Variants in SHISA9 observed in about 807,000 individuals in gnomAD.
SHISA9 encodes protein shisa-9.
SHISA9 carries 13 observed loss-of-function variants against 38.0 expected under a neutral mutation model. The observed-to-expected ratio is 0.34, with a 90% CI of 0.22 to 0.54. The LOEUF is 0.54. Ranked by LOEUF, SHISA9 falls within the 20% of genes least tolerant of loss-of-function variation. The pLI is 0.91. For missense variants in SHISA9, 538 were observed against 575.8 expected, an observed-to-expected ratio of 0.93 and a Z score of 0.67; for synonymous variants, 275 against 242.0, an observed-to-expected ratio of 1.14 and a Z score of -1.27.
intron 4 of SHISA9, among the ~76,000 whole-genome samples, chr16:13,231,235 T>A (rs2051328861): frequency 6.6e-6 from 1 of 152,158 alleles, no homozygotes; most frequent in Non-Finnish European, 1.5e-5. Flanking sequence ...GGTTCCCATG[T>A]GAGAGATAAG....
intron 4 of SHISA9, among the ~76,000 whole-genome samples, chr16:13,222,940 T>A (rs1442576337): frequency 6.6e-6 from 1 of 152,166 alleles, no homozygotes; most frequent in Non-Finnish European, 1.5e-5. Flanking sequence ...TATGAGGCAA[T>A]GACATTGGCC....
chr16:13,495,879 A>T, the SHISA9 span, among the ~76,000 whole-genome samples: 1 of 152,188 alleles, frequency 6.6e-6, no homozygotes, highest in African/African-American at 2.4e-5. Flanking sequence ...CCTGCCCAGA[A>T]TGCTGAGTCA....
chr16:13,078,143 T>C (rs1187418949), intron 2 of SHISA9, among the ~76,000 whole-genome samples: 2 of 152,118 alleles, frequency 1.3e-5, no homozygotes, highest in African/African-American at 4.8e-5. Flanking sequence ...GAAAGAAAAA[T>C]AGCAAATGTG....
intron 2 of SHISA9, among the ~76,000 whole-genome samples, chr16:12,930,335 A>T (rs1027125746): frequency 3.3e-5 from 5 of 152,248 alleles, no homozygotes; most frequent in African/African-American, 4.8e-5. Flanking sequence ...CAGTGCTGTT[A>T]TCAGAGTCTA....
intron 2 of SHISA9, among the ~76,000 whole-genome samples, chr16:13,100,956 G>A (rs896207321): frequency 5.3e-5 from 8 of 152,208 alleles, no homozygotes; most frequent in South Asian, 2.1e-4. Context: ...TCGGTCTCCC[G>A]AAGTGCTGGG....
At chr16:13,532,751 C>T in the SHISA9 span, among the ~76,000 whole-genome samples, 2 of 152,144 alleles carry the variant, frequency 1.3e-5, no homozygotes, top group African/African-American at 4.8e-5. Context: ...GCCAAACCTT[C>T]ACCATCCACA....
At chr16:12,938,189 C>A (rs1243223190) in intron 2 of SHISA9, among the ~76,000 whole-genome samples, 1 of 152,198 alleles carries the variant, frequency 6.6e-6, no homozygotes, top group Non-Finnish European at 1.5e-5. Context: ...AAGAATAAAG[C>A]TATGCTTGTT....
the SHISA9 span, among the ~76,000 whole-genome samples, chr16:13,536,001 CTTT>C: frequency 1.4e-5 from 2 of 144,700 alleles, no homozygotes; most frequent in African/African-American, 2.6e-5. Context: ...ATATTTTTTT[CTTT>C]TTTTTTTTTT....
intron 2 of SHISA9, among the ~76,000 whole-genome samples, chr16:13,134,409 A>T (rs58444770): frequency 9.9e-5 from 15 of 152,262 alleles, no homozygotes; most frequent in African/African-American, 3.4e-4. Flanking sequence ...AAGGGACTGG[A>T]TGGGGATGAG....
the SHISA9 span, among the ~76,000 whole-genome samples, chr16:13,276,858 C>G: frequency 6.6e-6 from 1 of 152,018 alleles, no homozygotes; most frequent in Non-Finnish European, 1.5e-5. Flanking sequence ...TTCTCACACT[C>G]TGTGGGTTGT....
chr16:13,462,102 C>G, the SHISA9 span, among the ~76,000 whole-genome samples: 1 of 151,696 alleles, frequency 6.6e-6, no homozygotes, highest in African/African-American at 2.4e-5. Flanking sequence ...AGACCCACAT[C>G]TCTGCTTAAA....
the SHISA9 span, among the ~76,000 whole-genome samples, chr16:13,557,849 A>G: frequency 1.3e-5 from 2 of 151,998 alleles, no homozygotes; most frequent in Non-Finnish European, 2.9e-5. Context: ...ACTCCTCTCC[A>G]GCCACCGCAG....
chr16:12,955,573 A>C (rs938876754), intron 2 of SHISA9, among the ~76,000 whole-genome samples: 6 of 152,056 alleles, frequency 3.9e-5, no homozygotes, highest in Non-Finnish European at 2.9e-5. Flanking sequence ...AGATCAATAG[A>C]ACAAATAGAG....
chr16:13,297,825 C>T, the SHISA9 span, among the ~76,000 whole-genome samples: 41 of 152,238 alleles, frequency 2.7e-4, no homozygotes, highest in South Asian at 4.1e-4. Flanking sequence ...GGCACAATCT[C>T]GGCTCACTGC....
chr16:13,234,540 C>T lies in SHISA9; in HGVS notation c.896-490C>T, dbSNP rs544137262. ...GCAAAAACAAAAGCAAACAAACCAG[C>T]GGAGAAAAATCCCAAATTAAACTCT... On this transcript the variant is annotated intron_variant, in intron 4 of 4. Coordinates refer to ENST00000558583, the MANE Select transcript of SHISA9 (RefSeq NM_001145204.3). Among the ~76,000 whole-genome samples, 14 of 152,156 alleles carry T rather than the reference C, an allele frequency of 9.2e-5. No individual in the cohort carries two copies. In the South Asian group the frequency reaches 2.3e-3, roughly 25 times the overall value.
At chr16:13,290,581 A>G in the SHISA9 span, among the ~76,000 whole-genome samples, 10 of 152,284 alleles carry the variant, frequency 6.6e-5, no homozygotes, top group Admixed American at 6.5e-4. Context: ...CAACTAAACC[A>G]TTAAGGAAAA....
rs533353027 is a variant in SHISA9, at chr16:13,043,225, A to G, written c.691+126410A>G. ...GGAATGGTGAGGTCAGAGGAGTGGCATATCCCGTGGGAGGTCTCAACAGGC... is the reference window on the plus strand; with the variant it reads ...GGAATGGTGAGGTCAGAGGAGTGGCGTATCCCGTGGGAGGTCTCAACAGGC... On this transcript the variant is annotated intron_variant, in intron 2 of 4. Coordinates refer to ENST00000558583, the MANE Select transcript of SHISA9 (RefSeq NM_001145204.3). Among the ~76,000 whole-genome samples, 3 of 152,288 alleles carry G rather than the reference A, an allele frequency of 2.0e-5. No homozygotes were observed. In the South Asian group the frequency reaches 6.2e-4, roughly 32 times the overall value.
the SHISA9 span, among the ~76,000 whole-genome samples, chr16:13,402,423 A>T: frequency 6.6e-6 from 1 of 152,148 alleles, no homozygotes; most frequent in Admixed American, 6.5e-5. Flanking sequence ...TCTGTGCCAG[A>T]AGAGAGTGAA....
At chr16:13,303,863 T>C in the SHISA9 span, among the ~76,000 whole-genome samples, 4 of 152,168 alleles carry the variant, frequency 2.6e-5, no homozygotes, top group African/African-American at 9.7e-5. Context: ...GGCTTAACAC[T>C]TGTCCCTCAA....
Sources: gnomAD v4.1 joint callset for allele counts (sites outside exome capture counted in the v4.1 genomes callset) on GRCh38, gnomAD v4.1.1 for gene constraint, MANE v1.5 for transcripts, NCBI Gene and HGNC (gene_info 2026-07-23, HGNC 2026-07-21) for gene names.